Variants in TTC7A observed in about 807,000 individuals in gnomAD.
TTC7A encodes tetratricopeptide repeat domain 7A.
TTC7A carries 110 observed loss-of-function variants against 103.7 expected under a neutral mutation model. The ratio of observed to expected loss-of-function variants is 1.06; its 90% CI spans 0.91 to 1.24. TTC7A has a LOEUF of 1.24. TTC7A is among the 50% of genes most tolerant of loss of function. The pLI is 0.00. For missense variants in TTC7A, 1,340 were observed against 1,116.3 expected, an observed-to-expected ratio of 1.20 and a Z score of -2.86; for synonymous variants, 521 against 467.9, an observed-to-expected ratio of 1.11 and a Z score of -1.47.
chr2:47,066,632 G>A (rs1167959174), intron 19 of TTC7A, among the ~76,000 whole-genome samples: 2 of 152,232 alleles, frequency 1.3e-5, no homozygotes, highest in Non-Finnish European at 2.9e-5. Flanking sequence ...TTATGGGGGC[G>A]CTTGAGGGTT....
rs528823002 is a variant in TTC7A at position 47,023,627 on chromosome 2, T to C, written c.1568+162T>C. Among the ~76,000 whole-genome samples the C allele has an allele frequency of 8.1e-4, 124 of 152,196 alleles. 1 individual carries two copies. The highest frequency in any genetic ancestry group is 2.9e-3 in the African/African-American group (119 of 41,540). ...AGCAAGCAGGGATAGGCGTTGGGGA[T>C]TGGGCAGGCAGCCGAGCCCTGCCTT... On this transcript the variant is annotated intron_variant, in intron 13 of 19. Coordinates refer to ENST00000319190, the MANE Select transcript of TTC7A (RefSeq NM_020458.4).
intron 8 of TTC7A, chr2:46,999,421 C>A: frequency 1.1e-6 from 1 of 922,844 alleles, no homozygotes; most frequent in Non-Finnish European, 1.3e-6. Context: ...AACCCTGCAT[C>A]TACCTACCCA....
At chr2:46,956,247 A>G (rs1038622299) in intron 2 of TTC7A, among the ~76,000 whole-genome samples, 1 of 152,220 alleles carries the variant, frequency 6.6e-6, no homozygotes, top group African/African-American at 2.4e-5. Flanking sequence ...GTGATTCTGC[A>G]CTTTGACCCA....
chr2:46,987,650 T>G (rs993065957), intron 5 of TTC7A, among the ~76,000 whole-genome samples: 1 of 152,180 alleles, frequency 6.6e-6, no homozygotes, highest in Non-Finnish European at 1.5e-5. Context: ...GCAGCAGGTT[T>G]TGTGCTTGTT....
At chr2:46,995,412 G>A (rs1157442600) in intron 8 of TTC7A, among the ~76,000 whole-genome samples, 3 of 152,190 alleles carry the variant, frequency 2.0e-5, no homozygotes, top group African/African-American at 4.8e-5. Context: ...GGAGGCCTGC[G>A]TTCTGCCCCC....
At chr2:47,053,905 A>G (rs1436585177) in intron 18 of TTC7A, among the ~76,000 whole-genome samples, 1 of 152,174 alleles carries the variant, frequency 6.6e-6, no homozygotes, top group Non-Finnish European at 1.5e-5. Context: ...TACCATCATC[A>G]CAAGCTTGCT....
In TTC7A at chr2:47,060,962, G is replaced by A; in HGVS notation, c.2346G>A (p.Met782Ile). The change falls in exon 19 of 20, where the codon ATG becomes ATA. Residue 782 changes from methionine to isoleucine, a missense_variant. Transcript: ENST00000319190. The part of the protein sequence containing the change: ...LTVNPDGVRI[M>I]HSLGLMLSRL... ...TGAACCCAGATGGCGTGCGCATCAT[G>A]CATAGCCTGGTGAGTCAGAGCCCCC... 1 of 1,609,734 alleles carries A rather than the reference G, an allele frequency of 6.2e-7. No individual in the cohort carries two copies. The highest frequency in any genetic ancestry group is 1.1e-5 in the South Asian group (1 of 90,710).
chr2:47,027,113 G>C (rs1340245000), intron 14 of TTC7A, among the ~76,000 whole-genome samples: 2 of 152,164 alleles, frequency 1.3e-5, no homozygotes, highest in East Asian at 1.9e-4. Context: ...TCTCTTTCCA[G>C]ACCTGGTCAC....
At chr2:47,041,855 C>T (rs1681787820) in intron 15 of TTC7A, among the ~76,000 whole-genome samples, 1 of 151,996 alleles carries the variant, frequency 6.6e-6, no homozygotes, top group South Asian at 2.1e-4. Flanking sequence ...AATGGCTTCC[C>T]TCCACCCTTC....
At chr2:47,044,892 CT>C (rs1176247605) in intron 15 of TTC7A, among the ~76,000 whole-genome samples, 3 of 152,212 alleles carry the variant, frequency 2.0e-5, no homozygotes, top group Non-Finnish European at 2.9e-5. Context: ...GAGCCCAGGT[CT>C]TAGGGCAGAG....
intron 11 of TTC7A, among the ~76,000 whole-genome samples, chr2:47,021,656 A>C (rs891044783): frequency 5.9e-5 from 9 of 152,184 alleles, no homozygotes. Flanking sequence ...GCTGGCCCAA[A>C]CTGGCCCGGT....
chr2:46,979,786 TG>T (rs2104277370), intron 5 of TTC7A, among the ~76,000 whole-genome samples: 1 of 152,350 alleles, frequency 6.6e-6, no homozygotes, highest in East Asian at 1.9e-4. Flanking sequence ...TGAGGTTTCC[TG>T]CCTGTCTCTG....
intron 15 of TTC7A, among the ~76,000 whole-genome samples, chr2:47,030,705 C>T (rs1344464855): frequency 6.6e-6 from 1 of 152,190 alleles, no homozygotes; most frequent in Non-Finnish European, 1.5e-5. Context: ...CTAACCCCTG[C>T]CCCGCCTGTT....
intron 8 of TTC7A, among the ~76,000 whole-genome samples, chr2:47,003,183 C>T (rs1277353267): frequency 1.4e-5 from 2 of 146,524 alleles, no homozygotes; most frequent in African/African-American, 5.0e-5. Context: ...CTGAGTGTCA[C>T]ACCCTGCAGG....
At chr2:47,071,598 G>T (rs756234326) in intron 19 of TTC7A, among the ~76,000 whole-genome samples, 4 of 152,190 alleles carry the variant, frequency 2.6e-5, no homozygotes, top group Admixed American at 1.3e-4. Flanking sequence ...GAGAAAGTTG[G>T]CCATTTGCCC....
At chr2:46,998,115 T>C (rs932430177) in intron 8 of TTC7A, among the ~76,000 whole-genome samples, 3 of 151,992 alleles carry the variant, frequency 2.0e-5, no homozygotes, top group East Asian at 1.9e-4. Context: ...CCCTGTGGCA[T>C]AGGAAACAGA....
rs111758559 is a variant in TTC7A at position 47,046,305 on chromosome 2, G to C, written c.1803-10G>C. The C allele has an allele frequency of 6.2e-7, 1 of 1,611,582 alleles. No individual in the cohort carries two copies. Among genetic ancestry groups the C allele is most frequent in the South Asian group, 1.1e-5 (1 of 91,010 alleles). On this transcript the variant is annotated splice_polypyrimidine_tract_variant and intron_variant, in intron 15 of 19. Coordinates refer to ENST00000319190, the MANE Select transcript of TTC7A (RefSeq NM_020458.4). ...TGGGGTGTGCTGATGGCCACTCTCC[G>C]TCCCCACAGCCTGATGTTCACCAAG...
At chr2:47,018,958 A>G (rs960411923) in intron 11 of TTC7A, among the ~76,000 whole-genome samples, 46 of 152,310 alleles carry the variant, frequency 3.0e-4, no homozygotes, top group Non-Finnish European at 4.9e-4. Context: ...GCCTCTTTGC[A>G]TGAAGTGCCT....
At chr2:47,011,157 G>A (rs1677999108) in intron 10 of TTC7A, among the ~76,000 whole-genome samples, 174 bp from the exon 11 acceptor site, 1 of 152,234 alleles carries the variant, frequency 6.6e-6, no homozygotes, top group African/African-American at 2.4e-5. Flanking sequence ...CTGAGGCCCA[G>A]GGAGGGATTT....
Sources: allele counts gnomAD v4.1 joint callset (sites outside exome capture counted in the v4.1 genomes callset), GRCh38; gene constraint gnomAD v4.1.1; transcripts MANE v1.5; gene names NCBI Gene and HGNC (gene_info 2026-07-23, HGNC 2026-07-21).